The following COL21A1 variants were observed in gnomAD, a reference collection of about 807,000 sequenced individuals.
COL21A1 encodes collagen alpha-1(XXI) chain.
Under a neutral mutation model 137.9 loss-of-function variants are expected in COL21A1, and 149 were observed. That is an observed-to-expected ratio of 1.08 (90% CI 0.95 to 1.24). The LOEUF (loss-of-function observed/expected upper bound fraction) is 1.24, where lower values mean the gene tolerates loss of function less well. Among genes scored for constraint, COL21A1 ranks in the 50% most tolerant of loss-of-function variants. The pLI is 0.00. For synonymous variants in COL21A1, 456 were observed against 391.5 expected (o/e 1.16, Z -1.95); for missense variants, 1,167 against 1,158.4 (o/e 1.01, Z -0.11).
At chr6:56,233,959 G>A (rs570842656) in intron 1 of COL21A1, among the ~76,000 whole-genome samples, 119 of 151,828 alleles carry the variant, frequency 7.8e-4, no homozygotes, top group South Asian at 1.7e-3. Context: ...TAGTTAATAC[G>A]TAGAAATGTA....
chr6:56,105,782 A>T (rs1770833668), intron 16 of COL21A1, among the ~76,000 whole-genome samples: 1 of 152,218 alleles, frequency 6.6e-6, no homozygotes, highest in Non-Finnish European at 1.5e-5. Flanking sequence ...GTGCTGTAAA[A>T]AGAGCCAAGC....
intron 1 of COL21A1, among the ~76,000 whole-genome samples, chr6:56,258,094 TC>T (rs1172818096): frequency 6.6e-6 from 1 of 152,154 alleles, no homozygotes; most frequent in Non-Finnish European, 1.5e-5. Flanking sequence ...TTAAGGGGTG[TC>T]TTTTTGACTA....
intron 1 of COL21A1, among the ~76,000 whole-genome samples, chr6:56,276,261 G>T (rs576855887): frequency 5.3e-5 from 8 of 152,206 alleles, no homozygotes; most frequent in African/African-American, 1.9e-4. Flanking sequence ...ACTGTCTATT[G>T]GGTACTATAC....
chr6:56,149,397 C>A (rs570965370), intron 10 of COL21A1, among the ~76,000 whole-genome samples: 1 of 151,938 alleles, frequency 6.6e-6, no homozygotes, highest in Admixed American at 6.6e-5. Flanking sequence ...ACATTTACAC[C>A]ATATATAGCA....
At chr6:56,285,452 A>G (rs1171918344) in intron 1 of COL21A1, among the ~76,000 whole-genome samples, 1 of 152,204 alleles carries the variant, frequency 6.6e-6, no homozygotes, top group Non-Finnish European at 1.5e-5. Context: ...ATTTGTCCTG[A>G]GCAATTTACC....
At chr6:56,089,006 A>C (rs961772331) in intron 17 of COL21A1, among the ~76,000 whole-genome samples, 1 of 152,088 alleles carries the variant, frequency 6.6e-6, no homozygotes, top group Admixed American at 6.6e-5. Flanking sequence ...GGCTAGTCTC[A>C]AACTCCTGGG....
chr6:56,343,968 A>G (rs557181424), intron 1 of COL21A1, among the ~76,000 whole-genome samples: 8 of 152,248 alleles, frequency 5.3e-5, no homozygotes, highest in Admixed American at 3.9e-4. Flanking sequence ...ATGTAAACCA[A>G]TGGGAAGTTG....
At chr6:56,247,983 T>C (rs6925652), upstream of COL21A1, among the ~76,000 whole-genome samples, 66,166 of 152,136 alleles carry the variant, frequency 0.43, 18,225 homozygotes, top group African/African-American at 0.78. Flanking sequence ...AGCGGACTGA[T>C]GTTCCTTGCT....
intron 1 of COL21A1, among the ~76,000 whole-genome samples, chr6:56,372,696 A>G (rs1354625452): frequency 2.0e-5 from 3 of 152,234 alleles, no homozygotes; most frequent in Non-Finnish European, 4.4e-5. Context: ...AGAGGCTTCA[A>G]TAATGTCATC....
chr6:56,256,812 G>T (rs78125921), intron 1 of COL21A1, among the ~76,000 whole-genome samples: 11,010 of 152,022 alleles, frequency 0.072, 448 homozygotes, highest in Middle Eastern at 0.13. Flanking sequence ...AATGTTAGTT[G>T]AACAATGCTT....
At chr6:56,199,167 G>A (rs1779218691) in intron 1 of COL21A1, among the ~76,000 whole-genome samples, 1 of 151,948 alleles carries the variant, frequency 6.6e-6, no homozygotes, top group Non-Finnish European at 1.5e-5. Flanking sequence ...TACAGTTGTA[G>A]GGTCTCCATT....
In COL21A1 at chr6:56,391,804, C is replaced by G. The variant is rs575735303; in HGVS notation, c.-39+2167G>C. Reference sequence around the variant, plus strand: ...ATACATACAACCTACCAACATGGAACCATGAAGAAATACAAAAACTCAATA... The same window carrying G: ...ATACATACAACCTACCAACATGGAAGCATGAAGAAATACAAAAACTCAATA... On this transcript the variant is annotated intron_variant, in intron 1 of 28. Coordinates refer to the COL21A1 transcript ENST00000370819. Among the ~76,000 whole-genome samples, 14 of 152,116 alleles carry G rather than the reference C, an allele frequency of 9.2e-5. No homozygotes were observed. In the South Asian group the frequency reaches 2.9e-3, roughly 32 times the overall value.
intron 1 of COL21A1, among the ~76,000 whole-genome samples, chr6:56,368,694 A>C (rs1766156955): frequency 6.6e-6 from 1 of 152,114 alleles, no homozygotes; most frequent in Non-Finnish European, 1.5e-5. Context: ...AAGTTTGTTT[A>C]TATTTCTTGG....
At chr6:56,314,666 G>C (rs979779409) in intron 1 of COL21A1, among the ~76,000 whole-genome samples, 1 of 152,062 alleles carries the variant, frequency 6.6e-6, no homozygotes, top group Admixed American at 6.6e-5. Context: ...AGCTTCTAAA[G>C]TTCAAAACAC....
intron 1 of COL21A1, among the ~76,000 whole-genome samples, chr6:56,265,004 A>C (rs966776184): frequency 2.0e-5 from 3 of 152,218 alleles, no homozygotes; most frequent in Admixed American, 2.0e-4. Flanking sequence ...AAGAAAGTAG[A>C]GGTTCCTACA....
chr6:56,277,401 T>C (rs1222769578), intron 1 of COL21A1, among the ~76,000 whole-genome samples: 4 of 152,218 alleles, frequency 2.6e-5, no homozygotes. Context: ...GGTGTTTTGA[T>C]CTTTATGTGA....
intron 1 of COL21A1, among the ~76,000 whole-genome samples, chr6:56,268,953 T>G (rs1016018246): frequency 6.6e-6 from 1 of 152,046 alleles, no homozygotes; most frequent in Non-Finnish European, 1.5e-5. Flanking sequence ...ACTGAAAAAT[T>G]TACCACAAGA....
At chr6:56,304,019 T>C (rs1187261382) in intron 1 of COL21A1, among the ~76,000 whole-genome samples, 1 of 152,234 alleles carries the variant, frequency 6.6e-6, no homozygotes, top group African/African-American at 2.4e-5. Flanking sequence ...GTTCTGTTTA[T>C]ATGCTGGATT....
At chr6:56,273,383 G>A (rs1582748533) in intron 1 of COL21A1, among the ~76,000 whole-genome samples, 1 of 152,192 alleles carries the variant, frequency 6.6e-6, no homozygotes, top group East Asian at 1.9e-4. Flanking sequence ...AATTAGAAAA[G>A]AAGTGAATGA....
Sources: allele counts gnomAD v4.1 joint callset (sites outside exome capture counted in the v4.1 genomes callset), GRCh38; gene constraint gnomAD v4.1.1; transcripts MANE v1.5; gene names NCBI Gene and HGNC (gene_info 2026-07-23, HGNC 2026-07-21).